PLCL2: variants seen among roughly 807,000 people sequenced by gnomAD.
The protein encoded by PLCL2 is phospholipase C like 2, also known as inactive phospholipase C-like protein 2.
A neutral mutation model predicts 79.6 loss-of-function variants in PLCL2; 4 were observed. That is an observed-to-expected ratio of 0.05 (90% CI 0.02 to 0.11). The LOEUF (loss-of-function observed/expected upper bound fraction) is 0.11. Ranked by LOEUF, PLCL2 falls within the 10% of genes least tolerant of loss-of-function variation. The pLI is 1.00. For missense variants in PLCL2, 895 were observed against 1,291.0 expected (o/e 0.69, Z 4.70); for synonymous variants, 484 against 457.7 (o/e 1.06, Z -0.73).
rs1247911121 is a variant in PLCL2, at chr3:17,042,925, A to G, written c.3070A>G (p.Lys1024Glu). The part of the protein sequence containing the change: ...LIENADAVYE[K>E]IVHCQKAAME... ...TGAAAATGCAGATGCTGTATATGAA[A>G]AGATCGTACATTGTCAGAAGGCAGG... Residue 1024 changes from lysine to glutamate, a missense_variant, in exon 4 of 6, where the codon AAG becomes GAG. Physicochemically the swap from Lys to Glu is moderately conservative, Grantham distance 56. Around this residue, in one of 6 missense-constraint regions of PLCL2, gnomAD observed 298 missense variants for 459.6 expected, o/e 0.65. Transcript: ENST00000615277. 2 of 1,611,536 alleles carry G rather than the reference A, an allele frequency of 1.2e-6. No homozygotes were observed. Among genetic ancestry groups the G allele is most frequent in the African/African-American group, 2.7e-5 (2 of 74,850 alleles).
intron 4 of PLCL2, among the ~76,000 whole-genome samples, chr3:17,065,620 G>A (rs1043513189): frequency 9.2e-5 from 14 of 152,158 alleles, no homozygotes; most frequent in Admixed American, 6.5e-4. Flanking sequence ...GCTTCCATGC[G>A]GATACCTTGA....
At chr3:17,088,890 G>T (rs914554479) in intron 5 of PLCL2, among the ~76,000 whole-genome samples, 2 of 152,156 alleles carry the variant, frequency 1.3e-5, no homozygotes, top group African/African-American at 4.8e-5. Context: ...CCTATATCAT[G>T]TTATACTGCA....
intron 1 of PLCL2, among the ~76,000 whole-genome samples, chr3:16,900,462 G>A (rs968473276): frequency 2.6e-5 from 4 of 152,046 alleles, no homozygotes; most frequent in South Asian, 4.2e-4. Context: ...GTATCTCACC[G>A]TATTCTCTCT....
chr3:17,035,703 G>T lies in PLCL2; in HGVS notation c.3019-7171G>T, dbSNP rs2064641775. On this transcript the variant is annotated intron_variant, in intron 3 of 5. Transcript: ENST00000615277. ...TTTGTGATTAAATTCAAACTCTGCA[G>T]TGTAGAAGTTTATATCTTATCCAAT... 6.1e-6 allele frequency: 3 copies of T among 490,680 alleles called. No homozygotes were observed. The East Asian group carries it at 1.8e-4, about 30-fold the overall frequency. The allele number at this position is 490,680 out of a possible 1,614,324, so 30.4% of individuals were successfully genotyped here. A position where few individuals can be genotyped will look rare whatever the true frequency, so the allele number is the denominator to read the frequency against.
intron 1 of PLCL2, among the ~76,000 whole-genome samples, chr3:16,964,431 T>G (rs2063785619): frequency 6.6e-6 from 1 of 152,190 alleles, no homozygotes; most frequent in Non-Finnish European, 1.5e-5. Flanking sequence ...TGATGGGCAT[T>G]TGGGTTGGTT....
At chr3:17,071,128 A>G (rs2065056312) in intron 5 of PLCL2, among the ~76,000 whole-genome samples, 1 of 152,130 alleles carries the variant, frequency 6.6e-6, no homozygotes. Context: ...ATGCATCACC[A>G]TAGTCATTTG....
At chr3:17,082,142 T>G (rs919795693) in intron 5 of PLCL2, among the ~76,000 whole-genome samples, 4 of 147,722 alleles carry the variant, frequency 2.7e-5, no homozygotes, top group South Asian at 2.2e-4. Context: ...TTTCAGAGTT[T>G]TTTTTTTTTT....
chr3:17,077,303 C>T (rs1347067118), intron 5 of PLCL2, among the ~76,000 whole-genome samples: 1 of 152,240 alleles, frequency 6.6e-6, no homozygotes, highest in Non-Finnish European at 1.5e-5. Context: ...TCTTCCCACC[C>T]TCTGCCCCAT....
chr3:16,910,756 A>AC (rs1383540157), intron 1 of PLCL2, among the ~76,000 whole-genome samples: 10 of 149,606 alleles, frequency 6.7e-5, no homozygotes, highest in Non-Finnish European at 1.5e-4. Flanking sequence ...CTGAAACACA[A>AC]CCCCCCCTTT....
chr3:16,950,454 T>C (rs2063640057), intron 1 of PLCL2, among the ~76,000 whole-genome samples: 1 of 152,168 alleles, frequency 6.6e-6, no homozygotes, highest in Admixed American at 6.6e-5. Flanking sequence ...ATCTCCTTGC[T>C]GACATCCTTG....
At chr3:17,016,358 G>C (rs887819729) in intron 3 of PLCL2, among the ~76,000 whole-genome samples, 1 of 152,198 alleles carries the variant, frequency 6.6e-6, no homozygotes, top group Non-Finnish European at 1.5e-5. Context: ...ACACATTGTA[G>C]TGGGGGCTGT....
At chr3:17,041,707 C>T (rs1230376464) in intron 3 of PLCL2, among the ~76,000 whole-genome samples, 2 of 152,088 alleles carry the variant, frequency 1.3e-5, no homozygotes, top group African/African-American at 4.8e-5. Context: ...ACTTGGGAGG[C>T]CGAGGTGGGA....
At chr3:17,025,085 C>A (rs1021770882) in intron 3 of PLCL2, among the ~76,000 whole-genome samples, 8 of 152,098 alleles carry the variant, frequency 5.3e-5, no homozygotes, top group Non-Finnish European at 7.4e-5. Flanking sequence ...AACTTCTGAC[C>A]AGGTAGGATG....
chr3:16,907,099 C>T (rs1696769366), intron 1 of PLCL2, among the ~76,000 whole-genome samples: 1 of 152,178 alleles, frequency 6.6e-6, no homozygotes, highest in African/African-American at 2.4e-5. Flanking sequence ...AGTGTCTTAT[C>T]ATCCTCCTTT....
intron 4 of PLCL2, among the ~76,000 whole-genome samples, chr3:17,063,311 CCTT>C (rs1283387941): frequency 1.9e-5 from 1 of 51,854 alleles, no homozygotes. Context: ...TTCCCTCCTT[CCTT>C]CTTTTTTTTT....
chr3:16,906,332 G>A (rs976880345), intron 1 of PLCL2, among the ~76,000 whole-genome samples: 2 of 152,030 alleles, frequency 1.3e-5, no homozygotes, highest in South Asian at 2.1e-4. Context: ...ATATACAAGC[G>A]AATATGTTCT....
At chr3:16,896,572 G>A (rs886523523) in intron 1 of PLCL2, among the ~76,000 whole-genome samples, 8 of 152,174 alleles carry the variant, frequency 5.3e-5, no homozygotes, top group African/African-American at 1.7e-4. Context: ...AGAACCACTC[G>A]TTTGTGGAGC....
At chr3:17,059,146 C>G (rs918241473) in intron 4 of PLCL2, among the ~76,000 whole-genome samples, 3 of 151,994 alleles carry the variant, frequency 2.0e-5, no homozygotes, top group Non-Finnish European at 4.4e-5. Flanking sequence ...AACTTAAATG[C>G]TTACCAGGAG....
intron 1 of PLCL2, among the ~76,000 whole-genome samples, chr3:16,977,006 A>AC (rs1313916350): frequency 6.6e-6 from 1 of 152,164 alleles, no homozygotes; most frequent in Non-Finnish European, 1.5e-5. Flanking sequence ...GTTGTCTAGT[A>AC]CCTTAGTACT....
Sources: allele counts gnomAD v4.1 joint callset (sites outside exome capture counted in the v4.1 genomes callset), GRCh38; gene constraint gnomAD v4.1.1; regional missense constraint gnomAD v4.1.1; transcripts MANE v1.5; gene names NCBI Gene and HGNC (gene_info 2026-07-23, HGNC 2026-07-21).